DEPTOR: variants seen among roughly 807,000 people sequenced by gnomAD.
The protein encoded by DEPTOR is DEP domain containing MTOR interacting protein, also known as DEP domain-containing mTOR-interacting protein.
DEPTOR carries 41 observed loss-of-function variants against 41.6 expected under a neutral mutation model. That is an observed-to-expected ratio of 0.98 (90% confidence interval 0.77 to 1.28). The LOEUF (loss-of-function observed/expected upper bound fraction) is 1.28, where lower values mean the gene tolerates loss of function less well. DEPTOR is among the 50% of genes most tolerant of loss of function. The pLI is 0.00. For synonymous variants in DEPTOR, 195 were observed against 192.3 expected, an observed-to-expected ratio of 1.01 and a Z score of -0.12; for missense variants, 514 against 527.9, an observed-to-expected ratio of 0.97 and a Z score of 0.26.
chr8:119,896,561 A>T (rs972345965), intron 1 of DEPTOR, among the ~76,000 whole-genome samples: 4 of 152,124 alleles, frequency 2.6e-5, no homozygotes, highest in Admixed American at 6.6e-5. Context: ...GTGCAGTGGC[A>T]TCATCTCAGC....
chr8:119,889,325 T>C (rs1029474853), intron 1 of DEPTOR, among the ~76,000 whole-genome samples: 49 of 151,936 alleles, frequency 3.2e-4, no homozygotes, highest in African/African-American at 1.1e-3. Context: ...GGTCGGAAGA[T>C]GGCTTGAGCC....
At chr8:120,006,603 TAGCTTTGTA>T (rs1017246860) in intron 6 of DEPTOR, among the ~76,000 whole-genome samples, 193 bp from the exon 7 acceptor site, 28 of 152,226 alleles carry the variant, frequency 1.8e-4, no homozygotes, top group African/African-American at 6.7e-4. Context: ...TTTTTTTCCT[TAGCTTTGTA>T]AGGTAGGTTT....
chr8:119,925,873 C>T (rs528988229), intron 1 of DEPTOR, among the ~76,000 whole-genome samples: 6 of 152,324 alleles, frequency 3.9e-5, no homozygotes, highest in African/African-American at 1.4e-4. Flanking sequence ...GATCCACCTG[C>T]CTTGGCCTCC....
intron 1 of DEPTOR, among the ~76,000 whole-genome samples, chr8:119,912,551 T>C (rs895991072): frequency 5.3e-5 from 8 of 152,232 alleles, no homozygotes; most frequent in African/African-American, 1.9e-4. Flanking sequence ...GAAATATTTT[T>C]AAATCCAGAG....
At chr8:119,926,162 C>T (rs1035271581) in intron 1 of DEPTOR, among the ~76,000 whole-genome samples, 3 of 152,132 alleles carry the variant, frequency 2.0e-5, no homozygotes, top group African/African-American at 7.2e-5. Context: ...ACTCCACCAG[C>T]TTTACCAATT....
chr8:119,884,571 T>C (rs78042842), intron 1 of DEPTOR, among the ~76,000 whole-genome samples: 1 of 33,990 alleles, frequency 2.9e-5, no homozygotes, highest in African/African-American at 7.2e-5. Flanking sequence ...AAGGATTGGC[T>C]TTTTTTTTTT....
At position 120,050,094 on chromosome 8, in the gene DEPTOR, T is replaced by G. The variant is rs1352287827; in HGVS notation, c.*390T>G. 6.4e-6 allele frequency: 1 copy of G among 155,266 alleles called. No individual in the cohort carries two copies. The highest frequency in any genetic ancestry group is 1.4e-5 in the Non-Finnish European group (1 of 70,070). 9.6% of individuals were successfully genotyped at this position (155,266 alleles called of 1,614,324 possible). On this transcript the variant is annotated 3_prime_UTR_variant, in exon 9 of 9. Coordinates refer to ENST00000286234, the MANE Select transcript of DEPTOR (RefSeq NM_022783.4). ...AGAGTAGTTGTTAAAGGTTTTAAATTGTACTTTCTCCAAAATTAGCATGCA... is the reference window on the plus strand; with the variant it reads ...AGAGTAGTTGTTAAAGGTTTTAAATGGTACTTTCTCCAAAATTAGCATGCA...
Position 119,929,934 on chromosome 8 carries a change from G to A in DEPTOR, c.421G>A (p.Glu141Lys). 2 of 1,611,416 alleles carry A rather than the reference G, an allele frequency of 1.2e-6. No homozygotes were observed. Among genetic ancestry groups the A allele is most frequent in the Non-Finnish European group, 1.7e-6 (2 of 1,178,132 alleles). ...CTTTATGAGAGGACAGAGGCTATAT[G>A]AAAAGTATGTTCCGCATGAAATCCC... The part of the protein sequence containing the change: ...KAFMRGQRLY[E>K]KLMSPENTLL... The change falls in exon 3 of 9, where the codon GAA becomes AAA. Residue 141 changes from glutamate (E) to lysine (K), a missense_variant. Coordinates refer to ENST00000286234, the MANE Select transcript of DEPTOR (RefSeq NM_022783.4).
At chr8:119,937,109 T>C (rs1203786727) in intron 3 of DEPTOR, among the ~76,000 whole-genome samples, 1 of 152,070 alleles carries the variant, frequency 6.6e-6, no homozygotes, top group Non-Finnish European at 1.5e-5. Flanking sequence ...AATTGCAAAC[T>C]GTAATAAAAA....
chr8:119,978,876 T>G (rs1370776786), intron 4 of DEPTOR, among the ~76,000 whole-genome samples: 2 of 152,166 alleles, frequency 1.3e-5, no homozygotes, highest in Non-Finnish European at 2.9e-5. Flanking sequence ...CTCATCTCAG[T>G]ACATCTGGGT....
At chr8:119,918,477 T>A (rs1044411785) in intron 1 of DEPTOR, among the ~76,000 whole-genome samples, 5 of 150,984 alleles carry the variant, frequency 3.3e-5, no homozygotes, top group African/African-American at 1.2e-4. Flanking sequence ...TTTATTTATT[T>A]AGAGACAGAT....
At position 119,988,958 on chromosome 8, in the gene DEPTOR, CTTTTTTTTTTT is replaced by C. The variant is rs71571643; in HGVS notation, c.605-12555_605-12545del. ...GCTATAGCCATATCCTTTTTTTTTTCTTTTTTTTTTTTTTTTTTTTTTAATAGAGATGGGGC... is the reference window on the plus strand; with the variant it reads ...GCTATAGCCATATCCTTTTTTTTTTCTTTTTTTTTTTAATAGAGATGGGGC... On this transcript the variant is annotated intron_variant, in intron 4 of 8. Transcript: ENST00000286234. Among the ~76,000 whole-genome samples the C allele has an allele frequency of 1.1e-4, 10 of 93,924 alleles. No homozygotes were observed. In the South Asian group the frequency reaches 3.3e-3, roughly 31 times the overall value. 61.6% of individuals were successfully genotyped at this position (93,924 alleles called of 152,430 possible).
intron 4 of DEPTOR, among the ~76,000 whole-genome samples, chr8:119,967,055 T>TG (rs1828571256): frequency 6.6e-6 from 1 of 151,982 alleles, no homozygotes; most frequent in Non-Finnish European, 1.5e-5. Context: ...CTTTCTGGAA[T>TG]GGGAGTCTTT....
In DEPTOR at chr8:119,955,966, T is replaced by C. The variant is rs1170878254; in HGVS notation, c.426-9266T>C. On this transcript the variant is annotated intron_variant, in intron 3 of 8. Transcript: ENST00000286234. ...CTTTCTTGAGCCCCGCATCACCAGGTCCAGACTTCCTTACTGGAGAGAGGC... is the reference window on the plus strand; with the variant it reads ...CTTTCTTGAGCCCCGCATCACCAGGCCCAGACTTCCTTACTGGAGAGAGGC... Among the ~76,000 whole-genome samples the C allele has an allele frequency of 1.7e-4, 26 of 152,016 alleles. 1 individual carries two copies. Among genetic ancestry groups the C allele is most frequent in the Non-Finnish European group, 2.9e-5 (2 of 68,014 alleles).
At chr8:120,040,894 T>A (rs1186901065) in intron 8 of DEPTOR, among the ~76,000 whole-genome samples, 1 of 152,194 alleles carries the variant, frequency 6.6e-6, no homozygotes, top group Non-Finnish European at 1.5e-5. Flanking sequence ...CTTAACATCT[T>A]GTTCTGCTTT....
At chr8:119,903,341 A>G (rs938205055) in intron 1 of DEPTOR, among the ~76,000 whole-genome samples, 1 of 152,004 alleles carries the variant, frequency 6.6e-6, no homozygotes, top group African/African-American at 2.4e-5. Context: ...CAGGTGATCC[A>G]CCCACCTTGG....
chr8:119,928,474 CA>C lies in DEPTOR; in HGVS notation c.201del (p.Glu68AsnfsTer2). On this transcript the variant is annotated frameshift_variant, in exon 2 of 9. Coordinates refer to ENST00000286234, the MANE Select transcript of DEPTOR (RefSeq NM_022783.4). LOFTEE classifies it high-confidence loss of function. The part of the protein sequence containing the change: ...HLKTYPNCFV[A>X]KELIDWLIEH... The stretch of plus-strand genomic sequence containing the variant: ...AAGACCTACCCAAACTGTTTTGTCG[CA>C]AAAGAACTGATTGACTGGCTGATTG... 6.2e-7 allele frequency: 1 copy of C among 1,614,118 alleles called. No homozygotes were observed. Among genetic ancestry groups the C allele is most frequent in the Non-Finnish European group, 8.5e-7 (1 of 1,180,018 alleles).
chr8:120,017,588 C>A (rs905850839), intron 8 of DEPTOR, among the ~76,000 whole-genome samples: 2 of 152,192 alleles, frequency 1.3e-5, no homozygotes, highest in African/African-American at 4.8e-5. Flanking sequence ...TTCTTGGCAT[C>A]AGCTGCTCAC....
intron 6 of DEPTOR, 135 bp downstream of exon 6, chr8:120,003,246 T>A (rs1048665715): frequency 1.4e-6 from 2 of 1,423,930 alleles, no homozygotes; most frequent in African/African-American, 2.8e-5. Flanking sequence ...GGTCCACACG[T>A]GTTGAATGGA....
Sources: gnomAD v4.1 joint callset for allele counts (sites outside exome capture counted in the v4.1 genomes callset) on GRCh38, gnomAD v4.1.1 for gene constraint, MANE v1.5 for transcripts, NCBI Gene and HGNC (gene_info 2026-07-23, HGNC 2026-07-21) for gene names.